MPP7: variants seen among roughly 807,000 people sequenced by gnomAD.
The protein encoded by MPP7 is MAGUK p55 subfamily member 7.
A neutral mutation model predicts 76.5 loss-of-function variants in MPP7; 60 were observed. That is an observed-to-expected ratio of 0.78 (90% CI 0.64 to 0.97). The LOEUF is 0.97. MPP7 is among the 50% of genes least tolerant of loss of function. MPP7 has a pLI of 0.00. For synonymous variants in MPP7, 237 were observed against 244.5 expected (o/e 0.97, Z 0.29); for missense variants, 641 against 694.0 (o/e 0.92, Z 0.86).
intron 11 of MPP7, among the ~76,000 whole-genome samples, chr10:28,097,952 T>C (rs113215914): frequency 1.6e-3 from 248 of 152,286 alleles, no homozygotes; most frequent in African/African-American, 5.7e-3. Context: ...TTCTCTTAAG[T>C]AAAAAATTTT....
intron 1 of MPP7, among the ~76,000 whole-genome samples, chr10:28,260,308 T>C (rs1201000979): frequency 6.6e-6 from 1 of 152,176 alleles, no homozygotes; most frequent in Non-Finnish European, 1.5e-5. Context: ...CTATGTATTA[T>C]ATTATGTATT....
intron 3 of MPP7, among the ~76,000 whole-genome samples, chr10:28,170,615 A>G (rs1042538648): frequency 6.7e-6 from 1 of 150,102 alleles, no homozygotes; most frequent in African/African-American, 2.4e-5. Flanking sequence ...TATAATATAT[A>G]ATTATACATG....
chr10:28,134,270 G>C (rs958261445), intron 5 of MPP7, among the ~76,000 whole-genome samples: 1 of 152,114 alleles, frequency 6.6e-6, no homozygotes, highest in Admixed American at 6.6e-5. Context: ...TAAAATGAAT[G>C]AGAACGAAAC....
Position 28,124,779 on chromosome 10 carries a change from G to A in MPP7, c.529+231C>T, listed in dbSNP as rs149692811. On this transcript the variant is annotated intron_variant, in intron 7 of 16. Coordinates refer to ENST00000683449, the MANE Select transcript of MPP7 (RefSeq NM_001318170.2). Reference sequence around the variant, plus strand: ...ATTACAGGCGTGAGCCACCACGCCCGGCCCACAAGTTTTAAGATAGCTTTG... The same window carrying A: ...ATTACAGGCGTGAGCCACCACGCCCAGCCCACAAGTTTTAAGATAGCTTTG... Among the ~76,000 whole-genome samples the A allele has an allele frequency of 3.7e-3, 557 of 152,022 alleles. 1 individual carries two copies. The highest frequency in any genetic ancestry group is 0.012 in the African/African-American group (496 of 41,468).
intron 2 of MPP7, among the ~76,000 whole-genome samples, chr10:28,217,805 C>T (rs531849755): frequency 6.6e-6 from 1 of 152,244 alleles, no homozygotes; most frequent in East Asian, 1.9e-4. Context: ...CCAGGGTTGT[C>T]ATGTTTGTCA....
At chr10:28,158,435 G>T (rs1564665485) in intron 3 of MPP7, among the ~76,000 whole-genome samples, 1 of 152,150 alleles carries the variant, frequency 6.6e-6, no homozygotes, top group Non-Finnish European at 1.5e-5. Context: ...GCCGGCAGGG[G>T]GGCCCACAGC....
At chr10:28,204,286 T>C (rs1837875568) in intron 2 of MPP7, among the ~76,000 whole-genome samples, 1 of 151,822 alleles carries the variant, frequency 6.6e-6, no homozygotes, top group East Asian at 1.9e-4. Context: ...CTACTAAAAA[T>C]ACAAAAATTA....
At chr10:28,061,521 A>T (rs1194726544) in intron 13 of MPP7, among the ~76,000 whole-genome samples, 1 of 152,080 alleles carries the variant, frequency 6.6e-6, no homozygotes, top group Non-Finnish European at 1.5e-5. Context: ...AACAAGATTT[A>T]AAAAATATAG....
chr10:28,128,576 G>T (rs1182165129), intron 6 of MPP7, among the ~76,000 whole-genome samples: 1 of 152,128 alleles, frequency 6.6e-6, no homozygotes, highest in African/African-American at 2.4e-5. Flanking sequence ...CCAACAGATT[G>T]CCTATGGAAT....
At chr10:28,085,212 A>T (rs2133426116) in intron 12 of MPP7, among the ~76,000 whole-genome samples, 1 of 152,302 alleles carries the variant, frequency 6.6e-6, no homozygotes, top group Non-Finnish European at 1.5e-5. Context: ...CTGGGGTCTG[A>T]ATCGGTTCTG....
At chr10:28,194,615 A>C (rs1367131670) in intron 3 of MPP7, among the ~76,000 whole-genome samples, 2 of 152,210 alleles carry the variant, frequency 1.3e-5, no homozygotes, top group Non-Finnish European at 2.9e-5. Flanking sequence ...AGGTAAAAGA[A>C]GCCAATCTGA....
chr10:28,249,627 G>A (rs901358122), intron 1 of MPP7, among the ~76,000 whole-genome samples: 1 of 152,134 alleles, frequency 6.6e-6, no homozygotes, highest in Non-Finnish European at 1.5e-5. Context: ...TTGACATCTC[G>A]TGCTCCCTTT....
chr10:28,253,418 A>G (rs1417124871), intron 1 of MPP7, among the ~76,000 whole-genome samples: 1 of 152,160 alleles, frequency 6.6e-6, no homozygotes. Context: ...CCTACAAAAG[A>G]TGGACTGACT....
intron 1 of MPP7, among the ~76,000 whole-genome samples, chr10:28,259,960 G>A (rs1048265842): frequency 6.6e-6 from 1 of 152,146 alleles, no homozygotes; most frequent in African/African-American, 2.4e-5. Context: ...TCCAGCCTGG[G>A]TGACAGAGCA....
rs772917912 is a variant in MPP7 at position 28,089,844 on chromosome 10, G to A, written c.953-3C>T. The A allele has an allele frequency of 7.9e-6, 11 of 1,390,308 alleles. No individual in the cohort carries two copies. The East Asian group carries it at 1.6e-4, about 20-fold the overall frequency. 86.1% of individuals were successfully genotyped at this position (1,390,308 alleles called of 1,614,324 possible). A position where few individuals can be genotyped will look rare whatever the true frequency, so the allele number is the denominator to read the frequency against. ...ACGAAAACTTTTTCTAAAACCAGCTGCAAATATTAAAATAAATATATTTTT... is the reference window on the plus strand; with the variant it reads ...ACGAAAACTTTTTCTAAAACCAGCTACAAATATTAAAATAAATATATTTTT... On this transcript the variant is annotated splice_polypyrimidine_tract_variant and splice_region_variant and intron_variant, in intron 11 of 16. Transcript: ENST00000683449.
At chr10:28,261,969 G>A (rs1839964344) in intron 1 of MPP7, among the ~76,000 whole-genome samples, 1 of 151,028 alleles carries the variant, frequency 6.6e-6, no homozygotes, top group African/African-American at 2.4e-5. Flanking sequence ...GGCCAACATG[G>A]TGAAACCCCA....
intron 1 of MPP7, among the ~76,000 whole-genome samples, chr10:28,332,248 T>C (rs1834478015): frequency 7.0e-6 from 1 of 143,508 alleles, no homozygotes; most frequent in Non-Finnish European, 1.5e-5. Flanking sequence ...AATGTATGCG[T>C]GTGTGTGTGT....
intron 3 of MPP7, 44 bp from the exon 4 acceptor site, chr10:28,150,103 A>T: frequency 7.5e-7 from 1 of 1,337,062 alleles, no homozygotes; most frequent in Non-Finnish European, 1.1e-6. Context: ...GCTAGCAAAC[A>T]ATCTCAGATA....
chr10:28,227,219 A>T (rs1319010460), intron 2 of MPP7, among the ~76,000 whole-genome samples: 1 of 152,230 alleles, frequency 6.6e-6, no homozygotes, highest in African/African-American at 2.4e-5. Context: ...CCCAAAAAGA[A>T]GGTTTTCCCA....
Sources: allele counts gnomAD v4.1 joint callset (sites outside exome capture counted in the v4.1 genomes callset), GRCh38; gene constraint gnomAD v4.1.1; transcripts MANE v1.5; gene names NCBI Gene and HGNC (gene_info 2026-07-23, HGNC 2026-07-21).